ANKMY1: variants seen among roughly 807,000 people sequenced by gnomAD.
ANKMY1 encodes ankyrin repeat and MYND domain-containing protein 1.
A neutral mutation model predicts 102.0 loss-of-function variants in ANKMY1; 98 were observed. The ratio of observed to expected loss-of-function variants is 0.96; its 90% CI spans 0.82 to 1.14. The LOEUF is 1.14. ANKMY1 is among the 50% of genes most tolerant of loss of function. The pLI, the probability that ANKMY1 is intolerant of heterozygous loss-of-function variation, is 0.00. For missense variants in ANKMY1, 1,330 were observed against 1,347.6 expected, an observed-to-expected ratio of 0.99 and a Z score of 0.20; for synonymous variants, 582 against 559.9, an observed-to-expected ratio of 1.04 and a Z score of -0.56.
At chr2:240,512,734 G>C in intron 10 of ANKMY1, 68 bp downstream of exon 10, 1 of 1,527,338 alleles carries the variant, frequency 6.5e-7, no homozygotes, top group Non-Finnish European at 8.8e-7. Context: ...GCTAGGCAGA[G>C]TGTGTGAATC....
chr2:240,523,784 A>AC (rs2082788050), intron 8 of ANKMY1, 101 bp downstream of exon 8: 1 of 1,489,616 alleles, frequency 6.7e-7, no homozygotes, highest in Admixed American at 2.1e-5. Context: ...CTCCAGACAC[A>AC]ACGCCTCCCA....
intron 7 of ANKMY1, 42 bp from the exon 8 acceptor site, chr2:240,524,423 G>C (rs747508585): frequency 1.9e-6 from 3 of 1,555,986 alleles, no homozygotes; most frequent in South Asian, 1.2e-5. Context: ...ATAAATTGGA[G>C]TGATAACCTC....
upstream of ANKMY1, chr2:240,558,595 C>G (rs2092669198): frequency 6.6e-6 from 1 of 152,268 alleles, no homozygotes; most frequent in Non-Finnish European, 1.5e-5. Flanking sequence ...ACAGAGGCAC[C>G]ATGGTGGGAA....
At chr2:240,498,449 G>T (rs527912407) in intron 15 of ANKMY1, among the ~76,000 whole-genome samples, 2 of 150,048 alleles carry the variant, frequency 1.3e-5, no homozygotes, top group African/African-American at 4.9e-5. Context: ...GGACAGGCAC[G>T]TGTGTGGGTA....
At chr2:240,528,765 T>C (rs2084508514) in intron 5 of ANKMY1, among the ~76,000 whole-genome samples, 1 of 152,176 alleles carries the variant, frequency 6.6e-6, no homozygotes, top group Non-Finnish European at 1.5e-5. Context: ...TGATCACTCC[T>C]GTCCCCAAGA....
intron 4 of ANKMY1, chr2:240,531,953 A>T (rs2085495441): frequency 4.4e-6 from 1 of 225,794 alleles, no homozygotes; most frequent in South Asian, 5.1e-5. Context: ...GTGGAAGAAT[A>T]GCATGTTCAA....
the ANKMY1 span, among the ~76,000 whole-genome samples, chr2:240,469,843 T>C: frequency 2.0e-5 from 3 of 151,602 alleles, no homozygotes; most frequent in South Asian, 4.2e-4. Flanking sequence ...TATGAACACG[T>C]ACAATGCCCT....
At position 240,500,562 on chromosome 2, in the gene ANKMY1, CA is replaced by C. The variant is rs773758572; in HGVS notation, c.2529del (p.Ile843MetfsTer12). The C allele has an allele frequency of 4.3e-6, 7 of 1,613,878 alleles. No individual in the cohort carries two copies. The highest frequency in any genetic ancestry group is 5.9e-6 in the Non-Finnish European group (7 of 1,179,828). ...TCGGCCCCGTGACTGATGAGTCGGT[CA>C]ATCTGTGGAGAACAGAACCAGGTCA... Reference protein sequence around the residue: ...QRNMDSKLALIDRLISHGADI... With the variant: ...QRNMDSKLALXDRLISHGADI... On this transcript the variant is annotated frameshift_variant and splice_region_variant, in exon 14 of 18. Coordinates refer to ENST00000401804, the MANE Select transcript of ANKMY1 (RefSeq NM_001282771.3). LOFTEE classifies it high-confidence loss of function.
chr2:240,496,216 T>G (rs1419735533), intron 15 of ANKMY1, among the ~76,000 whole-genome samples: 1 of 152,244 alleles, frequency 6.6e-6, no homozygotes, highest in African/African-American at 2.4e-5. Context: ...AATCTCTGTT[T>G]TATCCTACTT....
intron 4 of ANKMY1, among the ~76,000 whole-genome samples, chr2:240,537,706 T>C (rs983193129): frequency 6.6e-6 from 1 of 152,210 alleles, no homozygotes; most frequent in Non-Finnish European, 1.5e-5. Context: ...TATAATGGTG[T>C]CAAATCAAGT....
At chr2:240,557,548 A>C in intron 1 of ANKMY1, 196 bp from the exon 2 acceptor site, 1 of 530,638 alleles carries the variant, frequency 1.9e-6, no homozygotes, top group Non-Finnish European at 3.0e-6. Flanking sequence ...TGTCGGAACC[A>C]TGGGTAAACT....
chr2:240,472,180 T>G, the ANKMY1 span, among the ~76,000 whole-genome samples: 4 of 139,038 alleles, frequency 2.9e-5, no homozygotes, highest in East Asian at 7.8e-4. Context: ...CACCCAGGGA[T>G]ACTGAGACAA....
chr2:240,507,509 C>T (rs1401135096), intron 13 of ANKMY1, 51 bp downstream of exon 13: 7 of 1,557,802 alleles, frequency 4.5e-6, no homozygotes, highest in Non-Finnish European at 5.2e-6. Context: ...AGGGCCACCC[C>T]ACCACCCTCA....
At chr2:240,540,250 T>C (rs1164028577) in intron 4 of ANKMY1, among the ~76,000 whole-genome samples, 1 of 152,236 alleles carries the variant, frequency 6.6e-6, no homozygotes, top group East Asian at 1.9e-4. Context: ...AGGTCTTTGC[T>C]GTAGTTCTTG....
chr2:240,543,945 A>T (rs1291139534), intron 4 of ANKMY1, among the ~76,000 whole-genome samples: 1 of 152,184 alleles, frequency 6.6e-6, no homozygotes, highest in Non-Finnish European at 1.5e-5. Flanking sequence ...TTTCACTAAA[A>T]TGTAAGGTTA....
Position 240,552,945 on chromosome 2 carries a change from C to T in ANKMY1, c.449G>A (p.Gly150Asp), listed in dbSNP as rs1489337077. 1.9e-6 allele frequency: 3 copies of T among 1,613,894 alleles called. No homozygotes were observed. The Admixed American group carries it at 5.0e-5, about 27-fold the overall frequency. Residue 150 changes from glycine to aspartate, a missense_variant, in exon 4 of 18, where the codon GGC becomes GAC. Gly to Asp is a moderately conservative substitution (Grantham distance 94, BLOSUM62 -1). Coordinates refer to ENST00000401804, the MANE Select transcript of ANKMY1 (RefSeq NM_001282771.3). Reference protein sequence around the residue: ...TFYLSHREGYGTMYMKTRLFQ... With the variant: ...TFYLSHREGYDTMYMKTRLFQ... ...AAGCCGTGTCTTCATGTACATGGTG[C>T]CGTAGCCTTCTCGGTGGCTGAGGTA...
intron 4 of ANKMY1, among the ~76,000 whole-genome samples, chr2:240,531,487 G>A (rs555645082): frequency 6.6e-6 from 1 of 152,184 alleles, no homozygotes; most frequent in South Asian, 2.1e-4. Context: ...AGTCAAATAT[G>A]CATTTATTGG....
chr2:240,548,167 G>T (rs2090804351), intron 4 of ANKMY1, among the ~76,000 whole-genome samples: 1 of 152,108 alleles, frequency 6.6e-6, no homozygotes, highest in Non-Finnish European at 1.5e-5. Context: ...TATCCACCAT[G>T]ATCAAGTGGG....
rs1188102884 is a variant in ANKMY1 at position 240,529,165 on chromosome 2, G to C, written c.825C>G (p.Phe275Leu). 6.2e-7 allele frequency: 1 copy of C among 1,614,180 alleles called. No individual in the cohort carries two copies. Among genetic ancestry groups the C allele is most frequent in the Non-Finnish European group, 8.5e-7 (1 of 1,180,018 alleles). The part of the protein sequence containing the change: ...NSDHLPMTSS[F>L]RKELDARIFL... ...AGATGCGGGCGTCCAGCTCTTTGCGGAAAGAGCTTGTCATGGGCAGGTGGT... is the reference window on the plus strand; with the variant it reads ...AGATGCGGGCGTCCAGCTCTTTGCGCAAAGAGCTTGTCATGGGCAGGTGGT... Residue 275 changes from phenylalanine (F) to leucine (L), a missense_variant, in exon 5 of 18, where the codon TTC (phenylalanine) becomes TTG (leucine). Phe to Leu is a conservative substitution (Grantham distance 22, BLOSUM62 0). Coordinates refer to ENST00000401804, the MANE Select transcript of ANKMY1 (RefSeq NM_001282771.3). This position sits in a 1 kb window ranked among gnomAD's most constrained non-coding sequence, Gnocchi z 4.2.
Sources: gnomAD v4.1 joint callset for allele counts (sites outside exome capture counted in the v4.1 genomes callset) on GRCh38, gnomAD v4.1.1 for gene constraint, Gnocchi (gnomAD v3.1) non-coding constraint, MANE v1.5 for transcripts, NCBI Gene and HGNC (gene_info 2026-07-23, HGNC 2026-07-21) for gene names.